The following PTPRD variants were observed in gnomAD, a reference collection of about 807,000 sequenced individuals.
PTPRD encodes protein tyrosine phosphatase receptor type D.
Under a neutral mutation model 214.5 loss-of-function variants are expected in PTPRD, and 34 were observed. That is an observed-to-expected ratio of 0.16 (90% CI 0.12 to 0.21). PTPRD has a LOEUF of 0.21. Ranked by LOEUF, PTPRD falls within the 10% of genes least tolerant of loss-of-function variation. The pLI is 1.00. For synonymous variants in PTPRD, 1,128 were observed against 845.7 expected (o/e 1.33, Z -5.79); for missense variants, 2,545 against 2,398.7 (o/e 1.06, Z -1.27).
chr9:9,626,841 C>A (rs2095439305), intron 7 of PTPRD, among the ~76,000 whole-genome samples: 1 of 152,136 alleles, frequency 6.6e-6, no homozygotes, highest in Non-Finnish European at 1.5e-5. Context: ...ATCTGTTTTT[C>A]TCACCAACAT....
At chr9:8,585,687 G>C (rs1389713468) in intron 14 of PTPRD, among the ~76,000 whole-genome samples, 1 of 152,060 alleles carries the variant, frequency 6.6e-6, no homozygotes, top group Non-Finnish European at 1.5e-5. Context: ...ATATATTCTG[G>C]TAAAACTATA....
At chr9:9,029,438 T>C (rs1175082902) in intron 10 of PTPRD, among the ~76,000 whole-genome samples, 1 of 151,850 alleles carries the variant, frequency 6.6e-6, no homozygotes, top group Non-Finnish European at 1.5e-5. Context: ...ATAAAGCAGG[T>C]GGCAATGGGA....
At chr9:9,710,550 C>T (rs1027531339) in intron 7 of PTPRD, among the ~76,000 whole-genome samples, 8 of 151,740 alleles carry the variant, frequency 5.3e-5, no homozygotes, top group Non-Finnish European at 7.4e-5. Flanking sequence ...TGAAGGATTG[C>T]TTCTTAATTC....
chr9:9,301,056 GC>G (rs2134745918), intron 9 of PTPRD, among the ~76,000 whole-genome samples: 1 of 151,802 alleles, frequency 6.6e-6, no homozygotes, highest in African/African-American at 2.4e-5. Context: ...CTGGCACAAA[GC>G]AGGCACTCAA....
chr9:9,796,665 A>G (rs2099004515), intron 5 of PTPRD, among the ~76,000 whole-genome samples: 1 of 152,186 alleles, frequency 6.6e-6, no homozygotes, highest in Admixed American at 6.5e-5. Flanking sequence ...GCATTCAAAA[A>G]GGTAGGCAAG....
At chr9:9,219,594 G>T (rs1369243452) in intron 9 of PTPRD, among the ~76,000 whole-genome samples, 1 of 152,082 alleles carries the variant, frequency 6.6e-6, no homozygotes, top group African/African-American at 2.4e-5. Flanking sequence ...GAATAACCCT[G>T]TTTACATTGA....
intron 3 of PTPRD, among the ~76,000 whole-genome samples, chr9:10,287,710 C>T (rs2095406155): frequency 6.6e-6 from 1 of 152,080 alleles, no homozygotes; most frequent in African/African-American, 2.4e-5. Flanking sequence ...TCAGGTTCTG[C>T]CATATTGCTA....
intron 2 of PTPRD, among the ~76,000 whole-genome samples, chr9:10,572,941 G>A (rs1318481368): frequency 6.6e-6 from 1 of 151,974 alleles, no homozygotes; most frequent in Non-Finnish European, 1.5e-5. Context: ...TTTATAGCAT[G>A]TGTGCAGAAA....
intron 5 of PTPRD, among the ~76,000 whole-genome samples, chr9:9,790,421 C>A (rs1427989144): frequency 3.9e-5 from 6 of 152,158 alleles, no homozygotes; most frequent in Admixed American, 6.6e-5. Flanking sequence ...TCTATGAAAT[C>A]TTAAAACCTA....
rs1187365479 is a variant in PTPRD at position 9,607,005 on chromosome 9, A to AAAAAAAAAT, written c.-286-32225_-286-32224insATTTTTTTT. ...AAAAAAAAAAAAAAAAAAAAAAAAA[A>AAAAAAAAAT]GTGTTTCTGCCATGTCACCGACCAG... On this transcript the variant is annotated intron_variant, in intron 7 of 45. Coordinates refer to ENST00000381196, the MANE Select transcript of PTPRD (RefSeq NM_002839.4). 6.7e-4 allele frequency among the ~76,000 whole-genome samples: 80 copies of AAAAAAAAAT among 119,678 alleles called. 11 individuals carry two copies. Among genetic ancestry groups the AAAAAAAAAT allele is most frequent in the African/African-American group, 2.4e-3 (72 of 30,508 alleles). 78.5% of individuals were successfully genotyped at this position (119,678 alleles called of 152,430 possible).
At position 10,449,364 on chromosome 9, in the gene PTPRD, G is replaced by C. The variant is rs960563389; in HGVS notation, c.-599-108347C>G. On this transcript the variant is annotated intron_variant, in intron 2 of 45. Transcript: ENST00000381196. ...TGCTCAATGTCGCCCAGGCTGGAGT[G>C]CAGTGGCGTGATCTCCGCTCGCTAC... Among the ~76,000 whole-genome samples, 25 of 152,046 alleles carry C rather than the reference G, an allele frequency of 1.6e-4. 1 individual carries two copies. The highest frequency in any genetic ancestry group is 2.4e-4 in the Non-Finnish European group (16 of 68,016).
At chr9:9,328,821 G>A (rs2041175751) in intron 9 of PTPRD, among the ~76,000 whole-genome samples, 1 of 149,986 alleles carries the variant, frequency 6.7e-6, no homozygotes, top group African/African-American at 2.4e-5. Context: ...TTTTTTAAGT[G>A]GAGACAGGGT....
intron 31 of PTPRD, among the ~76,000 whole-genome samples, chr9:8,470,344 G>C (rs1026825119): frequency 6.6e-6 from 1 of 152,116 alleles, no homozygotes; most frequent in African/African-American, 2.4e-5. Flanking sequence ...CCTTATACAA[G>C]AAGAGTACCA....
intron 5 of PTPRD, among the ~76,000 whole-genome samples, chr9:9,914,643 C>A (rs2080181727): frequency 6.6e-6 from 1 of 152,170 alleles, no homozygotes; most frequent in African/African-American, 2.4e-5. Context: ...CTGTAGGCAA[C>A]CCACAGCAAA....
chr9:9,975,578 G>A (rs550157073), intron 4 of PTPRD, among the ~76,000 whole-genome samples: 9 of 152,256 alleles, frequency 5.9e-5, no homozygotes, highest in Non-Finnish European at 1.2e-4. Flanking sequence ...AACAGAGTAC[G>A]TATTTTAACA....
chr9:10,449,784 G>T (rs2098827518), intron 2 of PTPRD, among the ~76,000 whole-genome samples: 2 of 151,940 alleles, frequency 1.3e-5, no homozygotes, highest in African/African-American at 4.9e-5. Flanking sequence ...GACGATGGCG[G>T]TTTTGTCGAA....
At chr9:10,206,414 T>G (rs1410170622) in intron 3 of PTPRD, among the ~76,000 whole-genome samples, 1 of 152,148 alleles carries the variant, frequency 6.6e-6, no homozygotes, top group Non-Finnish European at 1.5e-5. Context: ...AGACATACAT[T>G]TGATAAAACC....
At chr9:9,927,702 T>C (rs2153901671) in intron 5 of PTPRD, among the ~76,000 whole-genome samples, 1 of 152,306 alleles carries the variant, frequency 6.6e-6, no homozygotes, top group South Asian at 2.1e-4. Flanking sequence ...TATCTATCTA[T>C]TTTTCCCATA....
chr9:10,014,814 A>G (rs970903550), intron 4 of PTPRD, among the ~76,000 whole-genome samples: 2 of 152,040 alleles, frequency 1.3e-5, no homozygotes, highest in African/African-American at 4.8e-5. Context: ...GATGTGACTA[A>G]GTGCGTGGTT....
Sources: gnomAD v4.1 joint callset for allele counts (sites outside exome capture counted in the v4.1 genomes callset) on GRCh38, gnomAD v4.1.1 for gene constraint, MANE v1.5 for transcripts, NCBI Gene and HGNC (gene_info 2026-07-23, HGNC 2026-07-21) for gene names.